Variants in PGAP4 observed in about 807,000 individuals in gnomAD.
PGAP4 encodes post-GPI attachment to proteins GalNAc transferase 4.
In PGAP4, 12 loss-of-function variants were observed where a neutral mutation model predicts 28.2. The observed-to-expected ratio is 0.42, with a 90% CI of 0.27 to 0.69. PGAP4 has a LOEUF of 0.69. Among genes scored for constraint, PGAP4 ranks in the 30% least tolerant of loss-of-function variants. PGAP4 has a pLI of 0.22. For synonymous variants in PGAP4, 205 were observed against 211.8 expected, an observed-to-expected ratio of 0.97 and a Z score of 0.28; for missense variants, 425 against 513.5, an observed-to-expected ratio of 0.83 and a Z score of 1.67.
At chr9:101,489,652 A>G (rs979330649), upstream of PGAP4, among the ~76,000 whole-genome samples, 7 of 152,178 alleles carry the variant, frequency 4.6e-5, no homozygotes, top group African/African-American at 9.7e-5. Flanking sequence ...CTGCCATCTT[A>G]TCTCCTGCTA....
At chr9:101,532,182 A>G (rs1222649106) in intron 1 of PGAP4, among the ~76,000 whole-genome samples, 1 of 151,552 alleles carries the variant, frequency 6.6e-6, no homozygotes, top group Non-Finnish European at 1.5e-5. Context: ...AGGCATGGGA[A>G]TTGCTTGAAC....
chr9:101,512,854 C>T (rs114949510), intron 2 of PGAP4, among the ~76,000 whole-genome samples: 248 of 152,204 alleles, frequency 1.6e-3, no homozygotes, highest in African/African-American at 5.8e-3. Flanking sequence ...GTAAAAGCAT[C>T]TCAGTGGATT....
intron 2 of PGAP4, among the ~76,000 whole-genome samples, chr9:101,496,740 C>T (rs1826754604): frequency 6.6e-6 from 1 of 150,548 alleles, no homozygotes; most frequent in Non-Finnish European, 1.5e-5. Flanking sequence ...ACAAATTTAC[C>T]ATACAAAATT....
chr9:101,480,513 CATA>C (rs1206444103), intron 1 of PGAP4, among the ~76,000 whole-genome samples: 1 of 152,142 alleles, frequency 6.6e-6, no homozygotes, highest in Non-Finnish European at 1.5e-5. Flanking sequence ...GAACAAATCA[CATA>C]ATAACTCAAA....
Position 101,512,928 on chromosome 9 carries a change from C to G in PGAP4, c.-165+18420G>C, listed in dbSNP as rs186035056. ...TCTAAGGTTTCACAAATTGACTCAC[C>G]TTTTTAGGAAGCTGACTCTTTGACA... On this transcript the variant is annotated intron_variant, in intron 2 of 3. Transcript: ENST00000374851. Among the ~76,000 whole-genome samples, 689 of 152,178 alleles carry G rather than the reference C, an allele frequency of 4.5e-3. 6 individuals are homozygous for G. Among genetic ancestry groups the G allele is most frequent in the African/African-American group, 0.015 (627 of 41,526 alleles).
At chr9:101,479,300 T>C (rs1013059647) in intron 1 of PGAP4, among the ~76,000 whole-genome samples, 1 of 152,230 alleles carries the variant, frequency 6.6e-6, no homozygotes, top group Non-Finnish European at 1.5e-5. Context: ...CCTGCAGTAT[T>C]GGCCTTGGAA....
chr9:101,530,104 C>CA (rs1827074467), intron 2 of PGAP4, among the ~76,000 whole-genome samples: 1 of 152,170 alleles, frequency 6.6e-6, no homozygotes, highest in African/African-American at 2.4e-5. Context: ...ATTTGTAAAG[C>CA]AGTGTAGAAA....
chr9:101,487,133 C>T lies in PGAP4; in HGVS notation c.-262G>A, dbSNP rs1826637608. On this transcript the variant is annotated 5_prime_UTR_variant, in exon 1 of 2. Coordinates refer to ENST00000374848, the MANE Select transcript of PGAP4 (RefSeq NM_032342.3). ...CCTCGCAGCTCAGGCGCAGGGCTCC[C>T]CTTGCTCAGGCGGGCCATGTGACCC... is the stretch of plus-strand genomic sequence containing the variant. 1 of 152,244 alleles carries T rather than the reference C, an allele frequency of 6.6e-6. No individual in the cohort carries two copies. The highest frequency in any genetic ancestry group is 2.4e-5 in the African/African-American group (1 of 41,470). 9.4% of individuals were successfully genotyped at this position (152,244 alleles called of 1,614,324 possible). A position where few individuals can be genotyped will look rare whatever the true frequency, so the allele number is the denominator to read the frequency against.
intron 1 of PGAP4, among the ~76,000 whole-genome samples, chr9:101,483,712 A>G (rs1033571040): frequency 6.6e-6 from 1 of 152,110 alleles, no homozygotes; most frequent in African/African-American, 2.4e-5. Context: ...GACTGCTTTC[A>G]TGTACATGAT....
At chr9:101,477,660 A>C (rs1336872784) in intron 1 of PGAP4, among the ~76,000 whole-genome samples, 1 of 152,208 alleles carries the variant, frequency 6.6e-6, no homozygotes, top group East Asian at 1.9e-4. Context: ...CTTGTCCAAC[A>C]AGAGAAGGAA....
At chr9:101,477,426 C>T (rs771125600) in intron 1 of PGAP4, among the ~76,000 whole-genome samples, 37 of 152,062 alleles carry the variant, frequency 2.4e-4, no homozygotes, top group Admixed American at 4.6e-4. Flanking sequence ...CAAATCATCA[C>T]GCCTAAAGAT....
At chr9:101,502,163 G>A (rs1235262981) in intron 2 of PGAP4, among the ~76,000 whole-genome samples, 2 of 152,032 alleles carry the variant, frequency 1.3e-5, no homozygotes, top group Non-Finnish European at 2.9e-5. Context: ...AAATGGGTTT[G>A]TTTTGGAGGC....
chr9:101,523,619 C>CTTTTTTTTTTTTTTTTTTTTTTTTTT lies in PGAP4; in HGVS notation c.-165+7703_-165+7728dup, dbSNP rs71356369. Among the ~76,000 whole-genome samples, 17 of 59,352 alleles carry CTTTTTTTTTTTTTTTTTTTTTTTTTT rather than the reference C, an allele frequency of 2.9e-4. 2 individuals are homozygous for CTTTTTTTTTTTTTTTTTTTTTTTTTT. The highest frequency in any genetic ancestry group is 0.017 in the Middle Eastern group (1 of 60). The allele number at this position is 59,352 out of a possible 152,430, so 38.9% of individuals were successfully genotyped here. A position where few individuals can be genotyped will look rare whatever the true frequency, so the allele number is the denominator to read the frequency against. On this transcript the variant is annotated intron_variant, in intron 2 of 3. Transcript: ENST00000374851. ...ACATTTCTCCCCTCACTTCTTGTAT[C>CTTTTTTTTTTTTTTTTTTTTTTTTTT]TTTTTTTTTTTTTTTTTTTTTTTTT...
At chr9:101,491,699 T>C (rs924386403), upstream of PGAP4, among the ~76,000 whole-genome samples, 2 of 150,198 alleles carry the variant, frequency 1.3e-5, no homozygotes, top group African/African-American at 4.9e-5. Context: ...TATTGATTTC[T>C]AATTTTATTC....
rs751437622 is a variant in PGAP4 at position 101,486,429 on chromosome 9, C to G, written c.-78+520G>C. 1.3e-5 allele frequency among the ~76,000 whole-genome samples: 2 copies of G among 152,218 alleles called. No homozygotes were observed. Among genetic ancestry groups the G allele is most frequent in the Non-Finnish European group, 2.9e-5 (2 of 68,034 alleles). ...TGGCTGCGAGGTCGCCCGCAGAAAC[C>G]CAACACTGCTGCCGCGCTCTCGGCG... is the stretch of plus-strand genomic sequence containing the variant. On this transcript the variant is annotated intron_variant, in intron 1 of 1. Transcript: ENST00000374848. The surrounding 1 kb of genome is among the most constrained non-coding windows in gnomAD (Gnocchi z 4.7).
intron 2 of PGAP4, among the ~76,000 whole-genome samples, chr9:101,495,966 G>C (rs1448331140): frequency 1.3e-5 from 2 of 151,368 alleles, no homozygotes; most frequent in African/African-American, 4.8e-5. Flanking sequence ...TCAGATGCCA[G>C]AAAAGTGTGT....
chr9:101,497,337 A>G (rs950785219), intron 2 of PGAP4, among the ~76,000 whole-genome samples: 2 of 151,616 alleles, frequency 1.3e-5, no homozygotes, highest in African/African-American at 4.8e-5. Flanking sequence ...TTTGTTAACA[A>G]TTTTTATGAC....
At chr9:101,508,639 A>G (rs1221237469) in intron 2 of PGAP4, among the ~76,000 whole-genome samples, 2 of 152,212 alleles carry the variant, frequency 1.3e-5, no homozygotes, top group African/African-American at 4.8e-5. Context: ...GCTTCGTAGA[A>G]GACAGTTTCT....
intron 2 of PGAP4, among the ~76,000 whole-genome samples, chr9:101,529,179 G>T (rs1489031376): frequency 6.8e-6 from 1 of 146,990 alleles, no homozygotes; most frequent in Admixed American, 6.8e-5. Flanking sequence ...TCTTGAAATG[G>T]AGTTTCACTC....
Sources: gnomAD v4.1 joint callset for allele counts (sites outside exome capture counted in the v4.1 genomes callset) on GRCh38, gnomAD v4.1.1 for gene constraint, Gnocchi (gnomAD v3.1) non-coding constraint, MANE v1.5 for transcripts, NCBI Gene and HGNC (gene_info 2026-07-23, HGNC 2026-07-21) for gene names.